SLCO4C1: variants seen among roughly 807,000 people sequenced by gnomAD.
SLCO4C1 encodes the protein organic anion transporter M1.
SLCO4C1 carries 58 observed loss-of-function variants against 72.1 expected under a neutral mutation model. That is an observed-to-expected ratio of 0.80 (90% confidence interval 0.65 to 1.00). SLCO4C1 has a LOEUF of 1.00. SLCO4C1 is among the 50% of genes least tolerant of loss of function. The probability of loss-of-function intolerance (pLI) is 0.00; values close to 1 mark genes in which losing one functional copy is unlikely to be tolerated. For synonymous variants in SLCO4C1, 297 were observed against 312.5 expected, an observed-to-expected ratio of 0.95 and a Z score of 0.52; for missense variants, 898 against 857.9, an observed-to-expected ratio of 1.05 and a Z score of -0.58.
At chr5:102,270,120 G>A (rs1363761148) in intron 3 of SLCO4C1, among the ~76,000 whole-genome samples, 1 of 152,102 alleles carries the variant, frequency 6.6e-6, no homozygotes, top group Admixed American at 6.6e-5. Flanking sequence ...TAGATGTAGG[G>A]CTGTGCATTG....
In SLCO4C1 at chr5:102,234,580, A is replaced by G. The variant is rs1283574548; in HGVS notation, c.*2278T>C. On this transcript the variant is annotated 3_prime_UTR_variant, in exon 13 of 13. Coordinates refer to ENST00000310954, the MANE Select transcript of SLCO4C1 (RefSeq NM_180991.5). The stretch of plus-strand genomic sequence containing the variant: ...CTTTATAAACGCCAATGATTTAGTG[A>G]CCTGTTTATCAAACTATTTCTATGG... The G allele has an allele frequency of 1.3e-5, 2 of 152,206 alleles. No individual in the cohort carries two copies. The highest frequency in any genetic ancestry group is 1.9e-4 in the East Asian group (1 of 5,180). 9.4% of individuals were successfully genotyped at this position (152,206 alleles called of 1,614,324 possible).
intron 5 of SLCO4C1, 74 bp from the exon 6 acceptor site, chr5:102,260,393 A>G (rs115266655): frequency 0.24 from 68,913 of 284,258 alleles, 10,093 homozygotes; most frequent in Non-Finnish European, 0.27. Flanking sequence ...AATATATATA[A>G]TATATAATAA....
chr5:102,280,491 T>C (rs927870672), intron 2 of SLCO4C1, among the ~76,000 whole-genome samples: 7 of 152,088 alleles, frequency 4.6e-5, no homozygotes, highest in Admixed American at 4.6e-4. Context: ...AATCCATATA[T>C]ATTCATGGAT....
rs764093956 is a variant in SLCO4C1, at chr5:102,291,509, G to A, written c.453C>T (p.Tyr151=). ...AAGACAACAAACAGAATGAAATATC[G>A]TAGCTTGATGAAATCAGGCCAGTCA... is the stretch of plus-strand genomic sequence containing the variant. The part of the protein sequence containing the change: ...SSLTGLISSS[Y]DISFCLLSLF... The change falls in exon 2 of 13, where the codon TAC becomes TAT. Residue 151 remains tyrosine (Y), a synonymous_variant. Coordinates refer to ENST00000310954, the MANE Select transcript of SLCO4C1 (RefSeq NM_180991.5). 6.2e-5 allele frequency: 100 copies of A among 1,613,908 alleles called. No homozygotes were observed. Among genetic ancestry groups the A allele is most frequent in the South Asian group, 1.4e-4 (13 of 91,082 alleles).
chr5:102,256,969 AAAC>A (rs1448812642), intron 8 of SLCO4C1, 143 bp downstream of exon 8: 5 of 575,886 alleles, frequency 8.7e-6, no homozygotes, highest in Non-Finnish European at 1.4e-5. Context: ...TCTAAACTAA[AAAC>A]AAAACCACAT....
At chr5:102,237,693 G>A (rs1210509239) in intron 12 of SLCO4C1, among the ~76,000 whole-genome samples, 1 of 150,052 alleles carries the variant, frequency 6.7e-6, no homozygotes, top group African/African-American at 2.4e-5. Flanking sequence ...ATGAGGGAAA[G>A]TAGTTTGTAA....
chr5:102,250,312 A>C (rs1339929328), intron 8 of SLCO4C1, among the ~76,000 whole-genome samples: 1 of 152,172 alleles, frequency 6.6e-6, no homozygotes, highest in East Asian at 1.9e-4. Context: ...TTCCTTACCA[A>C]ATATAATTTT....
intron 1 of SLCO4C1, among the ~76,000 whole-genome samples, chr5:102,292,882 A>G (rs1318709743): frequency 6.6e-6 from 1 of 151,894 alleles, no homozygotes; most frequent in Non-Finnish European, 1.5e-5. Context: ...TATAGATTAA[A>G]CTTACAGGAG....
In SLCO4C1 at chr5:102,240,697, G is replaced by A. The variant is rs60695201; in HGVS notation, c.1876+21C>T. 9,553 of 1,598,230 alleles carry A rather than the reference G, an allele frequency of 6.0e-3. 479 individuals are homozygous for A. In the African/African-American group the frequency reaches 0.11, roughly 18 times the overall value. Reference sequence around the variant, plus strand: ...ACCAAAATAGCCAACAGTTAGCAATGAATAAAGAAAAATGGCATACCTAAT... The same window carrying A: ...ACCAAAATAGCCAACAGTTAGCAATAAATAAAGAAAAATGGCATACCTAAT... On this transcript the variant is annotated intron_variant, in intron 11 of 12. Coordinates refer to ENST00000310954, the MANE Select transcript of SLCO4C1 (RefSeq NM_180991.5).
chr5:102,250,015 A>G (rs1018579586), intron 8 of SLCO4C1, among the ~76,000 whole-genome samples: 4 of 152,218 alleles, frequency 2.6e-5, no homozygotes, highest in Admixed American at 2.6e-4. Flanking sequence ...TTTAAAATAA[A>G]AGGCAGAATA....
chr5:102,254,773 T>C (rs1351410443), intron 8 of SLCO4C1, among the ~76,000 whole-genome samples: 5 of 152,230 alleles, frequency 3.3e-5, no homozygotes, highest in Non-Finnish European at 7.3e-5. Flanking sequence ...TGTAATAGAC[T>C]ACAGTATAGG....
chr5:102,293,981 C>G lies in SLCO4C1; in HGVS notation c.355+1927G>C, dbSNP rs540071031. 2.0e-5 allele frequency among the ~76,000 whole-genome samples: 3 copies of G among 152,296 alleles called. No homozygotes were observed. In the South Asian group the frequency reaches 6.2e-4, roughly 32 times the overall value. On this transcript the variant is annotated intron_variant, in intron 1 of 12. Transcript: ENST00000310954. Reference sequence around the variant, plus strand: ...CGGAGTGCAATGACACGATCTCGGTCCACTTCAAACTCCGCCTCCTGGGTT... The same window carrying G: ...CGGAGTGCAATGACACGATCTCGGTGCACTTCAAACTCCGCCTCCTGGGTT...
Position 102,265,769 on chromosome 5 carries a change from C to T in SLCO4C1, c.803-1989G>A, listed in dbSNP as rs867531230. ...GATGCTTTCGGTTTTGTTCTTTGTG[C>T]TCAGGATTGTTTTGGCTATTTGGCA... is the stretch of plus-strand genomic sequence containing the variant. On this transcript the variant is annotated intron_variant, in intron 3 of 12. Coordinates refer to ENST00000310954, the MANE Select transcript of SLCO4C1 (RefSeq NM_180991.5). Among the ~76,000 whole-genome samples, 6 of 151,910 alleles carry T rather than the reference C, an allele frequency of 3.9e-5. 1 individual carries two copies. The highest frequency in any genetic ancestry group is 1.4e-4 in the African/African-American group (6 of 41,388).
intron 6 of SLCO4C1, 71 bp downstream of exon 6, chr5:102,260,142 T>C (rs1207869370): frequency 8.8e-6 from 3 of 341,776 alleles, no homozygotes; most frequent in Non-Finnish European, 1.5e-5. Flanking sequence ...CATATGTACA[T>C]GTGAGGTGTG....
At chr5:102,266,534 C>T (rs1344578983) in intron 3 of SLCO4C1, among the ~76,000 whole-genome samples, 5 of 152,076 alleles carry the variant, frequency 3.3e-5, no homozygotes, top group Non-Finnish European at 7.4e-5. Context: ...CCTGTAATCC[C>T]AGCTACTTGG....
At position 102,247,450 on chromosome 5, in the gene SLCO4C1, T is replaced by C; in HGVS notation, c.1621-8A>G. On this transcript the variant is annotated splice_region_variant and splice_polypyrimidine_tract_variant and intron_variant, in intron 9 of 12. Transcript: ENST00000310954. Reference sequence around the variant, plus strand: ...GGAACAGTTGTAATATACCTAAAAATATTAGACATAAAAACAATGAAAGTG... The same window carrying C: ...GGAACAGTTGTAATATACCTAAAAACATTAGACATAAAAACAATGAAAGTG... The C allele has an allele frequency of 6.8e-7, 1 of 1,479,236 alleles. No individual in the cohort carries two copies. Among genetic ancestry groups the C allele is most frequent in the Non-Finnish European group, 9.2e-7 (1 of 1,090,852 alleles). The allele number at this position is 1,479,236 out of a possible 1,614,324, so 91.6% of individuals were successfully genotyped here. A position where few individuals can be genotyped will look rare whatever the true frequency, so the allele number is the denominator to read the frequency against.
intron 3 of SLCO4C1, 76 bp from the exon 4 acceptor site, chr5:102,263,856 A>G: frequency 9.4e-7 from 1 of 1,058,430 alleles, no homozygotes; most frequent in Non-Finnish European, 1.4e-6. Context: ...GAAAACAAAT[A>G]TTTTACTACA....
chr5:102,276,517 T>C (rs1362594383), intron 2 of SLCO4C1, among the ~76,000 whole-genome samples: 1 of 152,200 alleles, frequency 6.6e-6, no homozygotes, highest in Non-Finnish European at 1.5e-5. Flanking sequence ...CATGCAGTTC[T>C]TGTTCCCTTT....
intron 10 of SLCO4C1, among the ~76,000 whole-genome samples, chr5:102,247,027 A>C (rs534188709): frequency 6.6e-6 from 1 of 152,236 alleles, no homozygotes; most frequent in East Asian, 1.9e-4. Flanking sequence ...ACCAAGCACA[A>C]GCCAGGCAGG....
Sources: gnomAD v4.1 joint callset for allele counts (sites outside exome capture counted in the v4.1 genomes callset) on GRCh38, gnomAD v4.1.1 for gene constraint, MANE v1.5 for transcripts, NCBI Gene and HGNC (gene_info 2026-07-23, HGNC 2026-07-21) for gene names.